The following ZSCAN25 variants were observed in gnomAD, a reference collection of about 807,000 sequenced individuals.
ZSCAN25 encodes zinc finger and SCAN domain containing 25.
ZSCAN25 carries 27 observed loss-of-function variants against 38.7 expected under a neutral mutation model. The ratio of observed to expected loss-of-function variants is 0.70; its 90% CI spans 0.51 to 0.96. The LOEUF is 0.96. Ranked by LOEUF, ZSCAN25 falls within the 40% of genes least tolerant of loss-of-function variation. The probability of loss-of-function intolerance (pLI) is 0.00; values close to 1 mark genes in which losing one functional copy is unlikely to be tolerated. For synonymous variants in ZSCAN25, 273 were observed against 277.7 expected (o/e 0.98, Z 0.17); for missense variants, 637 against 705.9 (o/e 0.90, Z 1.11).
the ZSCAN25 span, among the ~76,000 whole-genome samples, chr7:99,678,780 T>A: frequency 1.3e-5 from 2 of 152,250 alleles, no homozygotes; most frequent in African/African-American, 4.8e-5. Context: ...TGTGAAAGAA[T>A]TAAAATGAGG....
the ZSCAN25 span, among the ~76,000 whole-genome samples, chr7:99,678,734 C>A: frequency 6.6e-6 from 1 of 152,172 alleles, no homozygotes; most frequent in Non-Finnish European, 1.5e-5. Flanking sequence ...ACAATGGAAA[C>A]CATGTTGCCA....
the ZSCAN25 span, chr7:99,709,198 G>A: frequency 6.2e-7 from 1 of 1,613,954 alleles, no homozygotes; most frequent in African/African-American, 1.3e-5. Flanking sequence ...AATAATCTGA[G>A]TGTTTCATTC....
chr7:99,651,636 T>A, the ZSCAN25 span, among the ~76,000 whole-genome samples: 6 of 152,156 alleles, frequency 3.9e-5, no homozygotes, highest in Non-Finnish European at 1.5e-5. Flanking sequence ...AACTTGCAGG[T>A]AGGGGCTAAT....
At chr7:99,660,684 A>G in the ZSCAN25 span, 1 of 1,612,444 alleles carries the variant, frequency 6.2e-7, no homozygotes, top group Admixed American at 1.7e-5. Context: ...AAGACATTTT[A>G]GGTAAATCAG....
At chr7:99,674,380 G>T in the ZSCAN25 span, 1 of 546,826 alleles carries the variant, frequency 1.8e-6, no homozygotes, top group Non-Finnish European at 3.2e-6. Flanking sequence ...CTACTCCCAA[G>T]TAATTATCCT....
chr7:99,676,965 C>T, the ZSCAN25 span, among the ~76,000 whole-genome samples: 1 of 152,090 alleles, frequency 6.6e-6, no homozygotes, highest in East Asian at 1.9e-4. Flanking sequence ...TGATTGTGTG[C>T]AGAAGAACCA....
chr7:99,690,461 TA>T, the ZSCAN25 span, among the ~76,000 whole-genome samples: 3 of 152,004 alleles, frequency 2.0e-5, no homozygotes, highest in African/African-American at 7.3e-5. Context: ...CTAATGAAAC[TA>T]AAGAGCTTCT....
At chr7:99,670,990 C>G in the ZSCAN25 span, 1 of 152,214 alleles carries the variant, frequency 6.6e-6, no homozygotes, top group East Asian at 1.9e-4. Flanking sequence ...TGATTGCAAA[C>G]TTGGAACCTG....
chr7:99,693,060 T>C, the ZSCAN25 span, among the ~76,000 whole-genome samples: 1 of 152,320 alleles, frequency 6.6e-6, no homozygotes, highest in East Asian at 1.9e-4. Flanking sequence ...CTGATGTTGG[T>C]GACCTACAAA....
At chr7:99,735,669 A>G in the ZSCAN25 span, among the ~76,000 whole-genome samples, 3 of 151,998 alleles carry the variant, frequency 2.0e-5, no homozygotes, top group Non-Finnish European at 4.4e-5. Context: ...AGAAGTAACC[A>G]TTTCCTCCCC....
the ZSCAN25 span, among the ~76,000 whole-genome samples, chr7:99,692,657 A>C: frequency 6.6e-6 from 1 of 152,088 alleles, no homozygotes; most frequent in Admixed American, 6.6e-5. Flanking sequence ...ATCTTTGATC[A>C]CTGATATCCT....
At chr7:99,642,892 T>G in the ZSCAN25 span, among the ~76,000 whole-genome samples, 5 of 152,126 alleles carry the variant, frequency 3.3e-5, no homozygotes, top group African/African-American at 9.7e-5. Context: ...GATGTACCTG[T>G]GGTCTGTGAT....
At chr7:99,731,038 A>G in the ZSCAN25 span, 1 of 1,613,354 alleles carries the variant, frequency 6.2e-7, no homozygotes, top group African/African-American at 1.3e-5. Flanking sequence ...GAAGCAAAAG[A>G]GGAAGCTCAA....
the ZSCAN25 span, among the ~76,000 whole-genome samples, chr7:99,722,651 A>G: frequency 6.6e-6 from 1 of 152,174 alleles, no homozygotes; most frequent in Non-Finnish European, 1.5e-5. Flanking sequence ...TGTTGTCTCT[A>G]AAATCTCATA....
At chr7:99,632,418 T>G, downstream of ZSCAN25, 5 of 321,256 alleles carry the variant, frequency 1.6e-5, no homozygotes, top group Non-Finnish European at 2.2e-5. Flanking sequence ...GTTTCATCTC[T>G]GTCCACTCCT....
the ZSCAN25 span, chr7:99,648,324 C>A: frequency 6.2e-7 from 1 of 1,612,992 alleles, no homozygotes; most frequent in Admixed American, 1.7e-5. Context: ...ACTTAGGGTT[C>A]CATCTCTTGA....
chr7:99,702,727 C>T, the ZSCAN25 span, among the ~76,000 whole-genome samples: 2 of 152,076 alleles, frequency 1.3e-5, no homozygotes, highest in African/African-American at 4.8e-5. Flanking sequence ...TTTGGCTATT[C>T]TGGGTATTTT....
the ZSCAN25 span, chr7:99,717,122 G>A: frequency 5.6e-6 from 9 of 1,608,418 alleles, no homozygotes; most frequent in East Asian, 2.0e-4. Context: ...CTCCATAGCA[G>A]GCAGCTGGAG....
At chr7:99,661,518 A>G in the ZSCAN25 span, among the ~76,000 whole-genome samples, 2 of 152,202 alleles carry the variant, frequency 1.3e-5, no homozygotes, top group African/African-American at 4.8e-5. Context: ...TTATGATTAC[A>G]GGTTGGCCTC....
Sources: allele counts gnomAD v4.1 joint callset (sites outside exome capture counted in the v4.1 genomes callset), GRCh38; gene constraint gnomAD v4.1.1; transcripts MANE v1.5; gene names NCBI Gene and HGNC (gene_info 2026-07-23, HGNC 2026-07-21).